CREB5: variants seen among roughly 807,000 people sequenced by gnomAD.
The protein encoded by CREB5 is cyclic AMP-responsive element-binding protein 5.
CREB5 carries 19 observed loss-of-function variants against 57.1 expected under a neutral mutation model. The observed-to-expected ratio is 0.33, with a 90% confidence interval of 0.23 to 0.49. CREB5 has a LOEUF of 0.49. CREB5 is among the 20% of genes least tolerant of loss of function. The pLI is 0.99. For missense variants in CREB5, 579 were observed against 671.6 expected (o/e 0.86, Z 1.52); for synonymous variants, 238 against 238.3 (o/e 1.00, Z 0.01).
rs183758838 is a variant in CREB5 at position 28,359,019 on chromosome 7, T to C, written c.-25+59578T>C. ...CTGACTTTTTACTTCTTTCAAAATA[T>C]AGGAGCTAATCATTCAGGAGAATTT... On this transcript the variant is annotated intron_variant, in intron 1 of 9. Transcript: ENST00000396299. Among the ~76,000 whole-genome samples, 24 of 152,288 alleles carry C rather than the reference T, an allele frequency of 1.6e-4. No individual in the cohort carries two copies. The East Asian group carries it at 4.6e-3, about 29-fold the overall frequency.
chr7:28,768,263 G>C (rs570978239), intron 7 of CREB5, among the ~76,000 whole-genome samples: 9 of 152,090 alleles, frequency 5.9e-5, no homozygotes, highest in Admixed American at 1.3e-4. Context: ...AAAGTAAGAG[G>C]GTTTGCAGAT....
rs574202310 is a variant in CREB5 at position 28,511,807 on chromosome 7, G to A, written c.291+4070G>A. 3.3e-5 allele frequency among the ~76,000 whole-genome samples: 5 copies of A among 152,358 alleles called. No homozygotes were observed. In the South Asian group the frequency reaches 6.2e-4, roughly 19 times the overall value. On this transcript the variant is annotated intron_variant, in intron 4 of 10. Transcript: ENST00000357727. ...AGCCAGGACAGTTTTGAGCAGAAAA[G>A]TGAGAGGATTTGACTTACATCTTAG...
At chr7:28,385,364 T>C (rs1234364640) in intron 1 of CREB5, among the ~76,000 whole-genome samples, 1 of 152,128 alleles carries the variant, frequency 6.6e-6, no homozygotes. Context: ...ATTGTTCAAC[T>C]TTGAAGTCAG....
At chr7:28,510,764 T>C (rs968023163) in intron 4 of CREB5, among the ~76,000 whole-genome samples, 12 of 152,196 alleles carry the variant, frequency 7.9e-5, no homozygotes, top group African/African-American at 2.7e-4. Context: ...ATACTATACA[T>C]AGCAGACAAC....
At chr7:28,595,537 T>C (rs551792203) in intron 5 of CREB5, among the ~76,000 whole-genome samples, 9 of 152,354 alleles carry the variant, frequency 5.9e-5, no homozygotes, top group South Asian at 4.1e-4. Context: ...GTGGATTCCA[T>C]TTCTATCTCA....
chr7:28,341,886 G>A (rs6975685), intron 1 of CREB5, among the ~76,000 whole-genome samples: 54,637 of 152,042 alleles, frequency 0.36, 10,398 homozygotes, highest in Non-Finnish European at 0.43. Flanking sequence ...AGTCAGCAGT[G>A]AGGGCTGGGA....
At chr7:28,456,093 G>A (rs370527616) in intron 1 of CREB5, among the ~76,000 whole-genome samples, 6 of 152,162 alleles carry the variant, frequency 3.9e-5, no homozygotes, top group Non-Finnish European at 5.9e-5. Flanking sequence ...ATCTTTTACA[G>A]TGAAATTATA....
rs142311914 is a variant in CREB5 at position 28,420,695 on chromosome 7, C to T, written c.3+7778C>T. Among the ~76,000 whole-genome samples, 1,516 of 151,704 alleles carry T rather than the reference C, an allele frequency of 1.0e-2. 15 individuals carry two copies. The highest frequency in any genetic ancestry group is 0.017 in the Non-Finnish European group (1,140 of 67,964). On this transcript the variant is annotated intron_variant, in intron 1 of 10. Coordinates refer to ENST00000357727, the MANE Select transcript of CREB5 (RefSeq NM_182898.4). ...TGGTGGCACACACCTGTAGTCCCAGCTACTCGGGAGGCTGGGACAGGAGTA... is the reference window on the plus strand; with the variant it reads ...TGGTGGCACACACCTGTAGTCCCAGTTACTCGGGAGGCTGGGACAGGAGTA...
intron 1 of CREB5, among the ~76,000 whole-genome samples, chr7:28,367,639 C>A (rs113214830): frequency 0.077 from 11,675 of 152,044 alleles, 1,043 homozygotes; most frequent in African/African-American, 0.22. Context: ...GAAACCCTGT[C>A]TCTACTAAAA....
intron 4 of CREB5, among the ~76,000 whole-genome samples, chr7:28,555,828 C>CTCAT (rs1221056532): frequency 2.6e-4 from 40 of 152,310 alleles, no homozygotes; most frequent in African/African-American, 9.1e-4. Context: ...CCCCTGAGAT[C>CTCAT]TCATCTAGAG....
intron 7 of CREB5, among the ~76,000 whole-genome samples, chr7:28,734,206 C>CAAAAAAAAAAAAAAA (rs61403862): frequency 3.3e-4 from 32 of 96,420 alleles, no homozygotes; most frequent in East Asian, 2.1e-3. Flanking sequence ...TTCAGTAGTT[C>CAAAAAAAAAAAAAAA]AAAAAAAAAA....
intron 1 of CREB5, among the ~76,000 whole-genome samples, chr7:28,405,466 C>T (rs1371908603): frequency 6.6e-6 from 1 of 152,164 alleles, no homozygotes; most frequent in Non-Finnish European, 1.5e-5. Flanking sequence ...TGCTGGAGTG[C>T]TGTGGCGCAG....
intron 1 of CREB5, among the ~76,000 whole-genome samples, chr7:28,463,228 A>T (rs1208820791): frequency 6.6e-6 from 1 of 152,032 alleles, no homozygotes; most frequent in Non-Finnish European, 1.5e-5. Flanking sequence ...CTTCTTGAAA[A>T]TCTATTGATG....
chr7:28,517,569 C>G (rs949536610), intron 4 of CREB5, among the ~76,000 whole-genome samples: 2 of 152,156 alleles, frequency 1.3e-5, no homozygotes, highest in African/African-American at 4.8e-5. Flanking sequence ...ATTTTCCCCC[C>G]TGAATTACTG....
upstream of CREB5, chr7:28,410,849 C>T (rs995949011): frequency 4.9e-5 from 16 of 328,040 alleles, no homozygotes; most frequent in Non-Finnish European, 7.9e-5. Context: ...TGCTTTGCAT[C>T]CCCCTACCCT....
chr7:28,686,275 T>TTCG (rs770710543), intron 5 of CREB5: 260 of 1,036,000 alleles, frequency 2.5e-4, no homozygotes, highest in Admixed American at 7.1e-4. Context: ...TTTTTGAGCC[T>TTCG]TCGTCCTCCT....
At chr7:28,685,543 A>C (rs1172354392) in intron 5 of CREB5, among the ~76,000 whole-genome samples, 1 of 152,088 alleles carries the variant, frequency 6.6e-6, no homozygotes, top group East Asian at 1.9e-4. Context: ...ACCAAAGCCC[A>C]AGCTGCTAAC....
chr7:28,517,647 T>A (rs1406123805), intron 4 of CREB5, among the ~76,000 whole-genome samples: 1 of 152,146 alleles, frequency 6.6e-6, no homozygotes, highest in Non-Finnish European at 1.5e-5. Context: ...ACAAGCCGGT[T>A]GGGTTGGTGA....
chr7:28,503,188 A>C (rs1478484774), intron 3 of CREB5, among the ~76,000 whole-genome samples: 1 of 152,212 alleles, frequency 6.6e-6, no homozygotes, highest in African/African-American at 2.4e-5. Flanking sequence ...TGCTGGATCG[A>C]TCCACAAGTA....
Sources: allele counts gnomAD v4.1 joint callset (sites outside exome capture counted in the v4.1 genomes callset), GRCh38; gene constraint gnomAD v4.1.1; transcripts MANE v1.5; gene names NCBI Gene and HGNC (gene_info 2026-07-23, HGNC 2026-07-21).